Variants in PCDHA1 observed in about 807,000 individuals in gnomAD.
PCDHA1 encodes the protein protocadherin alpha-1.
Under a neutral mutation model 61.3 loss-of-function variants are expected in PCDHA1, and 42 were observed. The observed-to-expected ratio is 0.69, with a 90% CI of 0.54 to 0.89. The LOEUF (loss-of-function observed/expected upper bound fraction) is 0.89, where lower values mean the gene tolerates loss of function less well. PCDHA1 is among the 40% of genes least tolerant of loss of function. PCDHA1 has a pLI of 0.00. For missense variants in PCDHA1, 1,256 were observed against 1,235.3 expected, an observed-to-expected ratio of 1.02 and a Z score of -0.25; for synonymous variants, 610 against 553.8, an observed-to-expected ratio of 1.10 and a Z score of -1.43.
In PCDHA1 at chr5:141,011,945, A is replaced by G. The variant is rs1588262929; in HGVS notation, c.*2008A>G. On this transcript the variant is annotated 3_prime_UTR_variant, in exon 4 of 4. Transcript: ENST00000504120. ...AGGTAGGAGTCTGTTATTTAAAAAAAGCATTAAATTTAAAAAAAAACTGTC... is the reference window on the plus strand; with the variant it reads ...AGGTAGGAGTCTGTTATTTAAAAAAGGCATTAAATTTAAAAAAAAACTGTC... 6.5e-6 allele frequency: 1 copy of G among 153,752 alleles called. No individual in the cohort carries two copies. The highest frequency in any genetic ancestry group is 1.5e-5 in the Non-Finnish European group (1 of 68,044). The allele number at this position is 153,752 out of a possible 1,614,324, so 9.5% of individuals were successfully genotyped here. A position where few individuals can be genotyped will look rare whatever the true frequency, so the allele number is the denominator to read the frequency against.
At chr5:140,955,907 C>A (rs1356508512) in intron 1 of PCDHA1, among the ~76,000 whole-genome samples, 3 of 152,126 alleles carry the variant, frequency 2.0e-5, no homozygotes, top group East Asian at 3.8e-4. Flanking sequence ...CTCTTTGTAG[C>A]AATTGTGAAT....
chr5:140,810,589 T>G (rs543690112), intron 1 of PCDHA1: 1 of 152,334 alleles, frequency 6.6e-6, no homozygotes, highest in African/African-American at 2.4e-5. Context: ...ACCTTTCTAT[T>G]TTATTTTGGC....
At chr5:140,887,994 C>T (rs1168995086) in intron 1 of PCDHA1, among the ~76,000 whole-genome samples, 1 of 152,016 alleles carries the variant, frequency 6.6e-6, no homozygotes, top group Non-Finnish European at 1.5e-5. Flanking sequence ...ATGTCTCCAC[C>T]GAATAGTCAT....
At chr5:140,922,430 A>G (rs574413053) in intron 1 of PCDHA1, among the ~76,000 whole-genome samples, 6 of 152,246 alleles carry the variant, frequency 3.9e-5, no homozygotes, top group Non-Finnish European at 7.3e-5. Context: ...GGCTGAGGGC[A>G]GAACTCTCTC....
intron 1 of PCDHA1, chr5:140,827,867 C>T (rs1298214398): frequency 1.1e-5 from 7 of 615,614 alleles, no homozygotes; most frequent in Non-Finnish European, 1.7e-5. Context: ...TATGGTATAG[C>T]ACTGTTACGT....
chr5:140,836,439 A>G, intron 1 of PCDHA1: 1 of 1,613,820 alleles, frequency 6.2e-7, no homozygotes, highest in Non-Finnish European at 8.5e-7. Context: ...ATCGTTGGGC[A>G]TTGCAGGCCC....
intron 1 of PCDHA1, chr5:140,841,587 G>A: frequency 6.2e-7 from 1 of 1,614,074 alleles, no homozygotes; most frequent in Middle Eastern, 1.7e-4. Context: ...GTGAATTCTC[G>A]GATCGACCGC....
At chr5:140,938,209 G>A (rs1210350140) in intron 1 of PCDHA1, among the ~76,000 whole-genome samples, 3 of 152,160 alleles carry the variant, frequency 2.0e-5, no homozygotes, top group Admixed American at 6.5e-5. Flanking sequence ...GCCTCCCAAA[G>A]TGCTGGGATT....
chr5:140,846,894 A>G (rs2150395518), intron 1 of PCDHA1, among the ~76,000 whole-genome samples: 1 of 149,832 alleles, frequency 6.7e-6, no homozygotes, highest in South Asian at 2.1e-4. Flanking sequence ...AATGACGTTG[A>G]AGTTGAAAGA....
intron 1 of PCDHA1, chr5:140,871,485 C>T (rs1554165663): frequency 8.2e-6 from 13 of 1,593,104 alleles, no homozygotes; most frequent in Admixed American, 1.8e-5. Context: ...GGTCAAATCA[C>T]CCCGGACAGG....
Position 140,796,851 on chromosome 5 carries a change from T to C in PCDHA1, c.2394+8167T>C, listed in dbSNP as rs781825861. 3.7e-6 allele frequency: 6 copies of C among 1,613,820 alleles called. No homozygotes were observed. In the South Asian group the frequency reaches 6.6e-5, roughly 18 times the overall value. ...CGTTCCGCGTGGGGCTATACACGGGTGAGATCAGCACGACACGTGCCCTAG... is the reference window on the plus strand; with the variant it reads ...CGTTCCGCGTGGGGCTATACACGGGCGAGATCAGCACGACACGTGCCCTAG... On this transcript the variant is annotated intron_variant, in intron 1 of 3. Coordinates refer to ENST00000504120, the MANE Select transcript of PCDHA1 (RefSeq NM_018900.4).
intron 1 of PCDHA1, chr5:140,928,545 T>C: frequency 6.2e-7 from 1 of 1,614,220 alleles, no homozygotes; most frequent in Non-Finnish European, 8.5e-7. Flanking sequence ...GGAATGACAA[T>C]TATCCGGTTA....
intron 1 of PCDHA1, among the ~76,000 whole-genome samples, chr5:140,844,589 T>C (rs1779449903): frequency 1.3e-5 from 2 of 149,642 alleles, no homozygotes; most frequent in East Asian, 3.9e-4. Flanking sequence ...TAAAGTGATA[T>C]TTAATATATG....
chr5:140,934,995 T>G (rs1443676222), intron 1 of PCDHA1, among the ~76,000 whole-genome samples: 1 of 152,172 alleles, frequency 6.6e-6, no homozygotes, highest in East Asian at 1.9e-4. Context: ...ACACCCTGAA[T>G]CCTTTTCATG....
intron 1 of PCDHA1, chr5:140,967,690 C>G (rs782694266): frequency 6.2e-7 from 1 of 1,614,190 alleles, no homozygotes; most frequent in Non-Finnish European, 8.5e-7. Flanking sequence ...GGCAGCTCTT[C>G]AGCATAGATG....
rs559337177 is a variant in PCDHA1 at position 140,853,682 on chromosome 5, A to G, written c.2394+64998A>G. On this transcript the variant is annotated intron_variant, in intron 1 of 3. Transcript: ENST00000504120. ...ACAAATTGGGGCCTATGGTCAACCT[A>G]TCCTTAGACCTGCTAACGCATTAGC... 95 of 988,426 alleles carry G rather than the reference A, an allele frequency of 9.6e-5. 12 individuals are homozygous for G. The highest frequency in any genetic ancestry group is 1.1e-4 in the Non-Finnish European group (93 of 820,328). The allele number at this position is 988,426 out of a possible 1,614,324, so 61.2% of individuals were successfully genotyped here.
intron 1 of PCDHA1, chr5:140,805,788 G>A (rs1234435404): frequency 1.1e-5 from 2 of 179,986 alleles, no homozygotes; most frequent in Non-Finnish European, 2.1e-5. Flanking sequence ...GACTTTTTTT[G>A]TATCTTTAGA....
In PCDHA1 at chr5:140,788,130, G is replaced by T. The variant is rs1258128364; in HGVS notation, c.1840G>T (p.Ala614Ser). 9 of 1,613,962 alleles carry T rather than the reference G, an allele frequency of 5.6e-6. No homozygotes were observed. Among genetic ancestry groups the T allele is most frequent in the Admixed American group, 1.7e-5 (1 of 60,014 alleles). ...NAWLSYELQP[A>S]AGGARIPFRV... ...GTGGCTGTCCTATGAACTGCAGCCG[G>T]CAGCAGGCGGCGCGCGCATCCCGTT... Residue 614 changes from alanine to serine, a missense_variant, in exon 1 of 4, where the codon GCA (alanine) becomes TCA (serine). Coordinates refer to ENST00000504120, the MANE Select transcript of PCDHA1 (RefSeq NM_018900.4).
chr5:140,921,630 A>G lies in PCDHA1; in HGVS notation c.2395-57319A>G, dbSNP rs554698507. ...AGAAAAATATCATCAGATCATCATTATGGTAGCTATTTTAAGGGAACTTAA... is the reference window on the plus strand; with the variant it reads ...AGAAAAATATCATCAGATCATCATTGTGGTAGCTATTTTAAGGGAACTTAA... On this transcript the variant is annotated intron_variant, in intron 1 of 3. Coordinates refer to ENST00000504120, the MANE Select transcript of PCDHA1 (RefSeq NM_018900.4). Among the ~76,000 whole-genome samples, 4 of 152,344 alleles carry G rather than the reference A, an allele frequency of 2.6e-5. No homozygotes were observed. The South Asian group carries it at 8.3e-4, about 32-fold the overall frequency.
Sources: allele counts gnomAD v4.1 joint callset (sites outside exome capture counted in the v4.1 genomes callset), GRCh38; gene constraint gnomAD v4.1.1; transcripts MANE v1.5; gene names NCBI Gene and HGNC (gene_info 2026-07-23, HGNC 2026-07-21).